KLHL5: variants seen among roughly 807,000 people sequenced by gnomAD.
The protein encoded by KLHL5 is kelch-like protein 5.
A neutral mutation model predicts 77.7 loss-of-function variants in KLHL5; 48 were observed. The observed-to-expected ratio is 0.62, with a 90% CI of 0.49 to 0.79. KLHL5 has a LOEUF of 0.79. Among genes scored for constraint, KLHL5 ranks in the 30% least tolerant of loss-of-function variants. The pLI, the probability that KLHL5 is intolerant of heterozygous loss-of-function variation, is 0.00. For synonymous variants in KLHL5, 260 were observed against 297.0 expected, an observed-to-expected ratio of 0.88 and a Z score of 1.28; for missense variants, 723 against 859.7, an observed-to-expected ratio of 0.84 and a Z score of 1.99.
Position 39,107,639 on chromosome 4 carries a change from G to A in KLHL5, c.1596G>A (p.Val532=). ...ATGGCTGGAGCTATCTGAACACAGTGGAAAGATGGGACCCTCAGGCTCGCC... is the reference window on the plus strand; with the variant it reads ...ATGGCTGGAGCTATCTGAACACAGTAGAAAGATGGGACCCTCAGGCTCGCC... ...GHDGWSYLNT[V]ERWDPQARQW... Residue 532 remains valine (V), a synonymous_variant, in exon 8 of 11, where the codon GTG becomes GTA. Coordinates refer to ENST00000504108, the MANE Select transcript of KLHL5 (RefSeq NM_015990.5). 1 of 1,612,452 alleles carries A rather than the reference G, an allele frequency of 6.2e-7. No homozygotes were observed. The highest frequency in any genetic ancestry group is 8.5e-7 in the Non-Finnish European group (1 of 1,178,812).
chr4:39,105,105 G>A (rs927198814), intron 7 of KLHL5, among the ~76,000 whole-genome samples: 11 of 151,582 alleles, frequency 7.3e-5, no homozygotes, highest in Non-Finnish European at 1.5e-4. Flanking sequence ...CTCTTCATAT[G>A]TGGTAATTAT....
At position 39,098,731 on chromosome 4, in the gene KLHL5, T is replaced by C. The variant is rs952632100; in HGVS notation, c.1300+1853T>C. Among the ~76,000 whole-genome samples the C allele has an allele frequency of 1.3e-4, 20 of 151,438 alleles. 1 individual carries two copies. The highest frequency in any genetic ancestry group is 5.3e-4 in the Admixed American group (8 of 15,202). ...GGCACCTGCCACCATGCCCCGCTAA[T>C]TTTTTTGTACTTTTAGTAGAGATGG... On this transcript the variant is annotated intron_variant, in intron 6 of 10. Transcript: ENST00000504108.
intron 6 of KLHL5, among the ~76,000 whole-genome samples, chr4:39,099,257 C>G (rs1050085746): frequency 3.3e-5 from 5 of 152,130 alleles, no homozygotes; most frequent in African/African-American, 1.2e-4. Context: ...CACTGTACCC[C>G]AGCCTGGGCA....
At chr4:39,128,862 A>G (rs556849426), downstream of KLHL5, among the ~76,000 whole-genome samples, 109 of 152,174 alleles carry the variant, frequency 7.2e-4, no homozygotes, top group Non-Finnish European at 1.2e-4. Context: ...GCTACTCAGG[A>G]GGCAGAGACA....
Position 39,090,791 on chromosome 4 carries a change from A to T in KLHL5, c.1113+4064A>T, listed in dbSNP as rs13137934. 8.8e-3 allele frequency among the ~76,000 whole-genome samples: 1,340 copies of T among 151,614 alleles called. 9 individuals carry two copies. Among genetic ancestry groups the T allele is most frequent in the Middle Eastern group, 0.048 (14 of 294 alleles). ...AAAACTCTGAATAATCCAGAAGAGA[A>T]GTATTTATGGTCATTTTATTTTATA... On this transcript the variant is annotated intron_variant, in intron 5 of 10. Coordinates refer to ENST00000504108, the MANE Select transcript of KLHL5 (RefSeq NM_015990.5).
intron 5 of KLHL5, among the ~76,000 whole-genome samples, chr4:39,095,232 A>T (rs1441740558): frequency 6.6e-6 from 1 of 152,176 alleles, no homozygotes; most frequent in Non-Finnish European, 1.5e-5. Flanking sequence ...TATCAGGAAA[A>T]TTCAAATTAA....
intron 8 of KLHL5, 182 bp from the exon 9 acceptor site, chr4:39,112,838 T>C (rs1020702811): frequency 5.1e-6 from 3 of 589,152 alleles, no homozygotes; most frequent in Non-Finnish European, 9.0e-6. Flanking sequence ...TACAGAGTGA[T>C]ATATGATACT....
At chr4:39,067,674 CT>C (rs11356460) in intron 1 of KLHL5, among the ~76,000 whole-genome samples, 131,034 of 132,918 alleles carry the variant, frequency 0.99, 64,596 homozygotes, top group South Asian at 0.99. Context: ...ACCCATAACT[CT>C]TTTTTTTTTT....
chr4:39,076,671 T>C (rs1719072201), intron 2 of KLHL5, among the ~76,000 whole-genome samples: 1 of 151,294 alleles, frequency 6.6e-6, no homozygotes, highest in South Asian at 2.1e-4. Context: ...AGCCATTTAA[T>C]AAAGAATAAT....
chr4:39,062,264 C>T lies in KLHL5; in HGVS notation c.-389C>T. 7.7e-7 allele frequency: 1 copy of T among 1,302,444 alleles called. No individual in the cohort carries two copies. Among genetic ancestry groups the T allele is most frequent in the Non-Finnish European group, 9.8e-7 (1 of 1,024,934 alleles). 80.7% of individuals were successfully genotyped at this position (1,302,444 alleles called of 1,614,324 possible). ...CGGGGATAGTGTTTTCTGTCTCTGT[C>T]ATTTGTGGTTTAAGAAAAAGGGGGT... On this transcript the variant is annotated 5_prime_UTR_variant, in exon 1 of 11. Coordinates refer to ENST00000504108, the MANE Select transcript of KLHL5 (RefSeq NM_015990.5).
the KLHL5 span, among the ~76,000 whole-genome samples, chr4:39,138,970 CTTAA>C: frequency 3.3e-5 from 5 of 152,056 alleles, no homozygotes; most frequent in African/African-American, 1.2e-4. Context: ...CAGACATCAC[CTTAA>C]TTAAGTCATC....
intron 1 of KLHL5, among the ~76,000 whole-genome samples, chr4:39,072,444 GAGGTCTATAGGACTCT>G (rs1313107986): frequency 6.6e-6 from 1 of 152,072 alleles, no homozygotes; most frequent in Non-Finnish European, 1.5e-5. Context: ...GAGTTGAACC[GAGGTCTATAGGACTCT>G]AGACCAGCAC....
At chr4:39,045,039 C>T in exon 1 of KLHL5, 1 of 993,850 alleles carries the variant, frequency 1.0e-6, no homozygotes, top group Non-Finnish European at 1.2e-6. Flanking sequence ...TCCCCCGCTC[C>T]TCCCGCCTGG....
chr4:39,128,066 T>C (rs1401029599), downstream of KLHL5, among the ~76,000 whole-genome samples: 1 of 151,956 alleles, frequency 6.6e-6, no homozygotes, highest in Non-Finnish European at 1.5e-5. Flanking sequence ...AGCAAAACAG[T>C]AGGGAGACTA....
intron 5 of KLHL5, among the ~76,000 whole-genome samples, chr4:39,090,023 A>G (rs1720376551): frequency 6.6e-6 from 1 of 152,200 alleles, no homozygotes; most frequent in Non-Finnish European, 1.5e-5. Context: ...TTTCATTGCC[A>G]AAAGTGAATG....
At chr4:39,098,889 GA>G (rs139371784) in intron 6 of KLHL5, among the ~76,000 whole-genome samples, 16 of 147,820 alleles carry the variant, frequency 1.1e-4, no homozygotes, top group Admixed American at 3.4e-4. Flanking sequence ...AACAGTTCAG[GA>G]AAAAAAAAAT....
intron 1 of KLHL5, among the ~76,000 whole-genome samples, chr4:39,050,546 A>T (rs1716561589): frequency 2.0e-5 from 3 of 152,142 alleles, no homozygotes; most frequent in African/African-American, 7.2e-5. Flanking sequence ...TGTTACATGG[A>T]TGTTTTAATC....
At chr4:39,078,335 G>A (rs1719278065) in intron 2 of KLHL5, among the ~76,000 whole-genome samples, 3 of 151,476 alleles carry the variant, frequency 2.0e-5, no homozygotes, top group Non-Finnish European at 2.9e-5. Context: ...GCAGTGAACC[G>A]AGATCACGCC....
chr4:39,131,887 C>CAA, the KLHL5 span, among the ~76,000 whole-genome samples: 6 of 114,504 alleles, frequency 5.2e-5, no homozygotes, highest in Non-Finnish European at 7.3e-5. Context: ...GACCCTGTCT[C>CAA]AAAAAAAAAA....
Sources: gnomAD v4.1 joint callset for allele counts (sites outside exome capture counted in the v4.1 genomes callset) on GRCh38, gnomAD v4.1.1 for gene constraint, MANE v1.5 for transcripts, NCBI Gene and HGNC (gene_info 2026-07-23, HGNC 2026-07-21) for gene names.